SMARCA4: variants seen among roughly 807,000 people sequenced by gnomAD.
SMARCA4 encodes SWI/SNF related BAF chromatin remodeling complex subunit ATPase 4, also known as SWI/SNF-related matrix-associated actin-dependent regulator of chromatin subfamily A member 4.
Under a neutral mutation model 193.9 loss-of-function variants are expected in SMARCA4, and 31 were observed. The observed-to-expected ratio is 0.16, with a 90% CI of 0.12 to 0.22. SMARCA4 has a LOEUF of 0.22. Ranked by LOEUF, SMARCA4 falls within the 10% of genes least tolerant of loss-of-function variation. SMARCA4 has a pLI of 1.00. For synonymous variants in SMARCA4, 942 were observed against 933.1 expected (o/e 1.01, Z -0.17); for missense variants, 1,148 against 2,296.0 (o/e 0.50, Z 10.22).
chr19:11,034,844 G>T lies in SMARCA4; in HGVS notation c.3952-70G>T. The T allele has an allele frequency of 1.0e-6, 1 of 996,478 alleles. No individual in the cohort carries two copies. Among genetic ancestry groups the T allele is most frequent in the Non-Finnish European group, 1.5e-6 (1 of 652,830 alleles). 61.7% of individuals were successfully genotyped at this position (996,478 alleles called of 1,614,324 possible). A position where few individuals can be genotyped will look rare whatever the true frequency, so the allele number is the denominator to read the frequency against. Reference sequence around the variant, plus strand: ...AGAGAAAGGCCCTTCTGAACTCTCGGTGTTCTGGCTCTAGCGTGCCCCTGG... The same window carrying T: ...AGAGAAAGGCCCTTCTGAACTCTCGTTGTTCTGGCTCTAGCGTGCCCCTGG... On this transcript the variant is annotated intron_variant, in intron 28 of 34. Transcript: ENST00000344626. This position sits in a 1 kb window ranked among gnomAD's most constrained non-coding sequence, Gnocchi z 7.0.
Position 10,986,323 on chromosome 19 carries a change from C to G in SMARCA4, c.490C>G (p.Gln164Glu), listed in dbSNP as rs2145775805. The part of the protein sequence containing the change: ...LDGADPQALG[Q>E]QNRGPTPFNQ... ...TGGTGCTGACCCCCAGGCCTTGGGGCAGCAGAACCGGGGCCCAACCCCATT... is the reference window on the plus strand; with the variant it reads ...TGGTGCTGACCCCCAGGCCTTGGGGGAGCAGAACCGGGGCCCAACCCCATT... The change falls in exon 4 of 35, where the codon CAG becomes GAG. Residue 164 changes from glutamine to glutamate, a missense_variant. Around this residue, in one of 17 missense-constraint regions of SMARCA4, gnomAD observed 201 missense variants for 248.3 expected, o/e 0.81. Transcript: ENST00000344626. The surrounding 1 kb of genome is among the most constrained non-coding windows in gnomAD (Gnocchi z 6.7). The G allele has an allele frequency of 6.2e-7, 1 of 1,613,584 alleles. No homozygotes were observed. The highest frequency in any genetic ancestry group is 1.6e-4 in the Middle Eastern group (1 of 6,062).
Position 11,039,446 on chromosome 19 carries a change from A to T in SMARCA4, c.4171-1861A>T, listed in dbSNP as rs771462690. 6 of 1,572,068 alleles carry T rather than the reference A, an allele frequency of 3.8e-6. No individual in the cohort carries two copies. In the South Asian group the frequency reaches 4.6e-5, roughly 12 times the overall value. On this transcript the variant is annotated intron_variant, in intron 29 of 34. Transcript: ENST00000344626. ...TGAAACACTAAACAGACATTAAAAAATTTTGTTGTAGAAAATTACAGGAAA... is the reference window on the plus strand; with the variant it reads ...TGAAACACTAAACAGACATTAAAAATTTTTGTTGTAGAAAATTACAGGAAA...
intron 12 of SMARCA4, 70 bp downstream of exon 12, chr19:11,003,229 G>A (rs2087828537): frequency 6.2e-7 from 1 of 1,609,248 alleles, no homozygotes; most frequent in Non-Finnish European, 8.5e-7. Context: ...CCAGGGAGGT[G>A]GCAGCCAGGA....
chr19:11,004,357 T>A (rs989028402), intron 13 of SMARCA4, among the ~76,000 whole-genome samples: 3 of 152,016 alleles, frequency 2.0e-5, no homozygotes, highest in Admixed American at 2.0e-4. Flanking sequence ...CAAGTGATTC[T>A]CCTGCCTCAG....
intron 29 of SMARCA4, among the ~76,000 whole-genome samples, chr19:11,035,560 A>G (rs1376735956): frequency 6.6e-6 from 1 of 152,198 alleles, no homozygotes; most frequent in Non-Finnish European, 1.5e-5. Context: ...CACTTTGGGC[A>G]AGTCCCCCCC....
intron 1 of SMARCA4, among the ~76,000 whole-genome samples, chr19:10,973,553 A>G (rs931609802): frequency 2.1e-5 from 3 of 145,672 alleles, no homozygotes; most frequent in Admixed American, 2.1e-4. Flanking sequence ...GGCCCCCGCC[A>G]CCACGCCCAG....
chr19:11,033,928 G>T lies in SMARCA4; in HGVS notation c.3873+63G>T. On this transcript the variant is annotated intron_variant, in intron 27 of 34. Coordinates refer to ENST00000344626, the MANE Select transcript of SMARCA4 (RefSeq NM_003072.5). This position sits in a 1 kb window ranked among gnomAD's most constrained non-coding sequence, Gnocchi z 9.8. ...CTCGGCTTCTCGGCTGAGACGGCCA[G>T]CAAGGGCCCTGGTCCCACGGAGCGT... 1 of 757,898 alleles carries T rather than the reference G, an allele frequency of 1.3e-6. No individual in the cohort carries two copies. Among genetic ancestry groups the T allele is most frequent in the Non-Finnish European group, 2.4e-6 (1 of 411,598 alleles). 46.9% of individuals were successfully genotyped at this position (757,898 alleles called of 1,614,324 possible).
chr19:10,970,296 G>C (rs367649294), intron 1 of SMARCA4, among the ~76,000 whole-genome samples: 1 of 152,194 alleles, frequency 6.6e-6, no homozygotes, highest in Non-Finnish European at 1.5e-5. Context: ...AGTTCTGGGC[G>C]CTGCTTTAGC....
chr19:11,047,158 G>A (rs964612016), intron 30 of SMARCA4, among the ~76,000 whole-genome samples: 2 of 152,160 alleles, frequency 1.3e-5, no homozygotes, highest in African/African-American at 2.4e-5. Flanking sequence ...CTAGGACCCC[G>A]AGAGCCCTAG....
intron 1 of SMARCA4, among the ~76,000 whole-genome samples, chr19:10,962,616 C>T (rs1234439278): frequency 6.6e-6 from 1 of 152,130 alleles, no homozygotes; most frequent in Admixed American, 6.6e-5. Context: ...AATCTCCGCT[C>T]ACTGTAACCT....
chr19:10,969,130 C>T (rs1034630046), intron 1 of SMARCA4, among the ~76,000 whole-genome samples: 1 of 152,206 alleles, frequency 6.6e-6, no homozygotes, highest in African/African-American at 2.4e-5. Context: ...TTCCGTTTTC[C>T]TCTCAGAATC....
intron 9 of SMARCA4, chr19:10,995,290 G>A (rs922737587): frequency 8.5e-6 from 5 of 586,676 alleles, no homozygotes; most frequent in Non-Finnish European, 1.6e-5. Context: ...AGAGCCAGGT[G>A]GTGTGATCCA....
chr19:10,996,937 T>C (rs898456539), intron 11 of SMARCA4, among the ~76,000 whole-genome samples: 2 of 152,132 alleles, frequency 1.3e-5, no homozygotes, highest in African/African-American at 2.4e-5. Flanking sequence ...GGCGGATGGC[T>C]CACTGCAGCC....
intron 1 of SMARCA4, among the ~76,000 whole-genome samples, chr19:10,964,823 G>A (rs991404989): frequency 6.6e-6 from 1 of 151,936 alleles, no homozygotes; most frequent in Admixed American, 6.6e-5. Context: ...CACCATGTTG[G>A]CCAGAACTCC....
intron 29 of SMARCA4, among the ~76,000 whole-genome samples, chr19:11,037,334 C>T (rs1051728123): frequency 1.3e-5 from 2 of 152,148 alleles, no homozygotes; most frequent in African/African-American, 4.8e-5. Context: ...GTTCCCTCGC[C>T]CGCTGATTCT....
At chr19:11,045,330 G>C (rs1388285742) in intron 30 of SMARCA4, among the ~76,000 whole-genome samples, 1 of 150,942 alleles carries the variant, frequency 6.6e-6, no homozygotes, top group Non-Finnish European at 1.5e-5. Flanking sequence ...AAAAAAAAAA[G>C]AGGGCCTACT....
At chr19:11,027,186 C>A (rs1337715731) in intron 23 of SMARCA4, among the ~76,000 whole-genome samples, 1 of 152,180 alleles carries the variant, frequency 6.6e-6, no homozygotes, top group Non-Finnish European at 1.5e-5. Flanking sequence ...ATCACAAATT[C>A]TTTTTGATGT....
intron 14 of SMARCA4, 90 bp downstream of exon 14, chr19:11,008,113 A>G (rs2088421228): frequency 7.5e-7 from 1 of 1,333,204 alleles, no homozygotes; most frequent in Non-Finnish European, 1.1e-6. Flanking sequence ...TCCCTAGCTG[A>G]CATTCAGCAC....
At chr19:11,051,676 A>C (rs1432435255) in intron 30 of SMARCA4, among the ~76,000 whole-genome samples, 1 of 151,914 alleles carries the variant, frequency 6.6e-6, no homozygotes, top group Non-Finnish European at 1.5e-5. Context: ...TTTTTAGTAG[A>C]GATGGGGTTT....
Sources: allele counts gnomAD v4.1 joint callset (sites outside exome capture counted in the v4.1 genomes callset), GRCh38; gene constraint gnomAD v4.1.1; regional missense constraint gnomAD v4.1.1; non-coding constraint Gnocchi (gnomAD v3.1); transcripts MANE v1.5; gene names NCBI Gene and HGNC (gene_info 2026-07-23, HGNC 2026-07-21).